The following SLC26A8 variants were observed in gnomAD, a reference collection of about 807,000 sequenced individuals.
SLC26A8 encodes the protein testis anion transporter 1.
In SLC26A8, 70 loss-of-function variants were observed where a neutral mutation model predicts 105.0. That is an observed-to-expected ratio of 0.67 (90% CI 0.55 to 0.81). The LOEUF (loss-of-function observed/expected upper bound fraction) is 0.81. Among genes scored for constraint, SLC26A8 ranks in the 40% least tolerant of loss-of-function variants. The pLI, the probability that SLC26A8 is intolerant of heterozygous loss-of-function variation, is 0.00. For synonymous variants in SLC26A8, 415 were observed against 438.3 expected, an observed-to-expected ratio of 0.95 and a Z score of 0.66; for missense variants, 998 against 1,181.8, an observed-to-expected ratio of 0.84 and a Z score of 2.28.
chr6:35,944,471 G>C (rs1771596757), intron 19 of SLC26A8, 131 bp from the exon 20 acceptor site: 6 of 538,136 alleles, frequency 1.1e-5, no homozygotes, highest in Middle Eastern at 1.0e-3. Flanking sequence ...AGGAGTTCAA[G>C]GCCAGCCTGG....
intron 10 of SLC26A8, 30 bp from the exon 11 acceptor site, chr6:35,968,984 C>T: frequency 6.3e-7 from 1 of 1,599,652 alleles, no homozygotes; most frequent in Non-Finnish European, 8.5e-7. Flanking sequence ...TGGAGAGAAA[C>T]CATCAGGAAC....
intron 2 of SLC26A8, among the ~76,000 whole-genome samples, chr6:36,014,080 T>C (rs543180217): frequency 4.6e-5 from 7 of 152,200 alleles, no homozygotes; most frequent in African/African-American, 9.7e-5. Flanking sequence ...GAACATCACA[T>C]TGCTGTTCTT....
chr6:35,972,785 TA>T (rs1439955460), intron 10 of SLC26A8, among the ~76,000 whole-genome samples: 3 of 152,234 alleles, frequency 2.0e-5, no homozygotes, highest in Non-Finnish European at 4.4e-5. Flanking sequence ...GCTAAAATGC[TA>T]AAAATGGGCT....
At chr6:35,997,211 C>T (rs759815017) in intron 5 of SLC26A8, among the ~76,000 whole-genome samples, 5 of 152,074 alleles carry the variant, frequency 3.3e-5, no homozygotes, top group Non-Finnish European at 7.4e-5. Context: ...AGCATCACTG[C>T]CTGAGCTCTC....
intron 17 of SLC26A8, among the ~76,000 whole-genome samples, chr6:35,952,591 T>C (rs1023877754): frequency 1.3e-5 from 2 of 152,168 alleles, no homozygotes; most frequent in African/African-American, 4.8e-5. Flanking sequence ...GAAGTCATTC[T>C]TGATCATATG....
chr6:36,017,627 C>A (rs565247801), intron 2 of SLC26A8, among the ~76,000 whole-genome samples: 160 of 115,488 alleles, frequency 1.4e-3, no homozygotes, highest in African/African-American at 4.9e-3. Flanking sequence ...AGTGAAATTC[C>A]GTCTCAACAA....
In SLC26A8 at chr6:36,019,513, C is replaced by T. The variant is rs757300822; in HGVS notation, c.188+7G>A. On this transcript the variant is annotated splice_region_variant and intron_variant, in intron 2 of 19. Transcript: ENST00000490799. ...TCGGCAGCAGGTGAAAGATTGGACA[C>T]ACGCACCGGCACTGGACGTGGTGTC... is the stretch of plus-strand genomic sequence containing the variant. 2 of 1,610,108 alleles carry T rather than the reference C, an allele frequency of 1.2e-6. No homozygotes were observed. The highest frequency in any genetic ancestry group is 2.2e-5 in the East Asian group (1 of 44,790).
intron 3 of SLC26A8, among the ~76,000 whole-genome samples, chr6:36,010,728 G>T (rs1379318270): frequency 1.3e-5 from 2 of 151,522 alleles, no homozygotes; most frequent in African/African-American, 4.9e-5. Context: ...TAGTAGAGAT[G>T]GGGTTTCACT....
intron 3 of SLC26A8, among the ~76,000 whole-genome samples, chr6:36,005,033 C>A (rs1366236986): frequency 1.3e-5 from 2 of 151,844 alleles, no homozygotes; most frequent in Non-Finnish European, 2.9e-5. Flanking sequence ...AAATAACTAA[C>A]CAATGCTGGG....
chr6:35,985,596 G>C (rs2127339607), intron 7 of SLC26A8, among the ~76,000 whole-genome samples: 1 of 150,850 alleles, frequency 6.6e-6, no homozygotes, highest in Non-Finnish European at 1.5e-5. Context: ...GGGAGGCTGA[G>C]GCAGGAGAAT....
At chr6:35,955,998 T>C (rs1038600201) in intron 16 of SLC26A8, among the ~76,000 whole-genome samples, 3 of 152,084 alleles carry the variant, frequency 2.0e-5, no homozygotes, top group African/African-American at 7.2e-5. Context: ...TCTAGCACTT[T>C]GGAAGGTCAA....
At chr6:36,012,506 G>A (rs1286214084) in intron 2 of SLC26A8, 134 bp from the exon 3 acceptor site, 3 of 980,938 alleles carry the variant, frequency 3.1e-6, no homozygotes, top group Non-Finnish European at 4.3e-6. Flanking sequence ...TGACATATTG[G>A]ACCAGATAAT....
intron 9 of SLC26A8, among the ~76,000 whole-genome samples, chr6:35,976,707 A>AT (rs964396385): frequency 7.1e-4 from 105 of 148,180 alleles, no homozygotes; most frequent in African/African-American, 2.0e-3. Flanking sequence ...TGCCCGGCTA[A>AT]TTTTTTTTTT....
At chr6:36,000,575 A>G (rs548847811) in intron 3 of SLC26A8, among the ~76,000 whole-genome samples, 1 of 152,328 alleles carries the variant, frequency 6.6e-6, no homozygotes, top group African/African-American at 2.4e-5. Context: ...CAATCACTCC[A>G]GCCTCTTCCT....
intron 2 of SLC26A8, among the ~76,000 whole-genome samples, chr6:36,014,823 G>A (rs539093005): frequency 2.0e-5 from 3 of 151,956 alleles, no homozygotes; most frequent in East Asian, 2.0e-4. Flanking sequence ...CTGAGACAGC[G>A]CCACTGCACT....
At chr6:36,007,483 G>T (rs1178420933) in intron 3 of SLC26A8, among the ~76,000 whole-genome samples, 1 of 152,080 alleles carries the variant, frequency 6.6e-6, no homozygotes, top group Non-Finnish European at 1.5e-5. Flanking sequence ...CCATAATCAT[G>T]GATTGGAAGA....
Position 36,013,173 on chromosome 6 carries a change from T to C in SLC26A8, c.189-801A>G, listed in dbSNP as rs76511984. 9.2e-3 allele frequency among the ~76,000 whole-genome samples: 1,402 copies of C among 152,144 alleles called. 15 individuals carry two copies. Among genetic ancestry groups the C allele is most frequent in the African/African-American group, 0.032 (1,326 of 41,498 alleles). On this transcript the variant is annotated intron_variant, in intron 2 of 19. Coordinates refer to ENST00000490799, the MANE Select transcript of SLC26A8 (RefSeq NM_052961.4). ...TCAACTAGGTGCAGTTTTGTTCCCC[T>C]GTGTACATGTGGCAATGTCCAGAGA...
chr6:36,012,243 T>A lies in SLC26A8; in HGVS notation c.318A>T (p.Gln106His). ...LLAGISVGLV[Q>H]VPQGLTLSLL... ...TCATATCTTCCTTACCTTGGGGAAC[T>A]TGCACAAGGCCAACACTTATACCAG... Residue 106 changes from glutamine to histidine, a missense_variant, in exon 3 of 20, where the codon CAA (glutamine) becomes CAT (histidine). Transcript: ENST00000490799. 6.2e-7 allele frequency: 1 copy of A among 1,612,404 alleles called. No homozygotes were observed. Among genetic ancestry groups the A allele is most frequent in the South Asian group, 1.1e-5 (1 of 90,698 alleles).
chr6:35,972,820 C>T (rs149570147), intron 10 of SLC26A8, among the ~76,000 whole-genome samples: 2 of 152,218 alleles, frequency 1.3e-5, no homozygotes, highest in East Asian at 1.9e-4. Context: ...GAAATTCAAT[C>T]GTCTGCCAAA....
Sources: gnomAD v4.1 joint callset for allele counts (sites outside exome capture counted in the v4.1 genomes callset) on GRCh38, gnomAD v4.1.1 for gene constraint, MANE v1.5 for transcripts, NCBI Gene and HGNC (gene_info 2026-07-23, HGNC 2026-07-21) for gene names.